The following PLXNA4 variants were observed in gnomAD, a reference collection of about 807,000 sequenced individuals.
The protein encoded by PLXNA4 is plexin-A4.
A neutral mutation model predicts 191.8 loss-of-function variants in PLXNA4; 44 were observed. The ratio of observed to expected loss-of-function variants is 0.23; its 90% CI spans 0.18 to 0.29. The LOEUF is 0.29. Among genes scored for constraint, PLXNA4 ranks in the 10% least tolerant of loss-of-function variants. The probability of loss-of-function intolerance (pLI) is 1.00; values close to 1 mark genes in which losing one functional copy is unlikely to be tolerated. For missense variants in PLXNA4, 1,800 were observed against 2,488.8 expected (o/e 0.72, Z 5.89); for synonymous variants, 1,082 against 1,009.5 (o/e 1.07, Z -1.36).
intron 3 of PLXNA4, among the ~76,000 whole-genome samples, chr7:132,318,419 G>A (rs1433511110): frequency 6.6e-6 from 1 of 152,150 alleles, no homozygotes; most frequent in Non-Finnish European, 1.5e-5. Context: ...ACTTGAGAGC[G>A]CTAAGCTGGG....
At chr7:132,564,759 G>C (rs1801637257) in intron 1 of PLXNA4, among the ~76,000 whole-genome samples, 1 of 152,174 alleles carries the variant, frequency 6.6e-6, no homozygotes, top group Non-Finnish European at 1.5e-5. Flanking sequence ...ATGGCGCTTG[G>C]TGAAATGTAG....
intron 9 of PLXNA4, among the ~76,000 whole-genome samples, chr7:132,218,505 T>C (rs1798040500): frequency 6.6e-6 from 1 of 152,150 alleles, no homozygotes; most frequent in Non-Finnish European, 1.5e-5. Context: ...TCAGTTTAGA[T>C]GAGAAAAAAC....
At chr7:132,638,321 A>T (rs1803649192) in intron 2 of PLXNA4, among the ~76,000 whole-genome samples, 1 of 152,192 alleles carries the variant, frequency 6.6e-6, no homozygotes, top group African/African-American at 2.4e-5. Context: ...GATGGTTGGA[A>T]GACTAAGTGA....
At chr7:132,440,044 C>T (rs565878605) in intron 3 of PLXNA4, among the ~76,000 whole-genome samples, 94 of 151,858 alleles carry the variant, frequency 6.2e-4, no homozygotes, top group Middle Eastern at 3.4e-3. Flanking sequence ...TGGGCTTGTG[C>T]CATGCTGCCA....
intron 5 of PLXNA4, among the ~76,000 whole-genome samples, chr7:132,236,679 G>T (rs956965252): frequency 1.3e-5 from 2 of 152,094 alleles, no homozygotes; most frequent in African/African-American, 4.8e-5. Flanking sequence ...AAGGGAGAAG[G>T]GCAGGTCTGA....
chr7:132,180,384 T>A (rs1268487421), intron 19 of PLXNA4, among the ~76,000 whole-genome samples: 1 of 152,180 alleles, frequency 6.6e-6, no homozygotes, highest in African/African-American at 2.4e-5. Flanking sequence ...TCCTTATTGT[T>A]GCACCAGCCA....
chr7:132,465,396 A>T (rs1185036095), intron 3 of PLXNA4, among the ~76,000 whole-genome samples: 1 of 152,068 alleles, frequency 6.6e-6, no homozygotes, highest in Non-Finnish European at 1.5e-5. Context: ...TTTTATACAA[A>T]GAAAAGGTTC....
intron 2 of PLXNA4, among the ~76,000 whole-genome samples, chr7:132,619,980 T>C (rs1190863483): frequency 6.6e-6 from 1 of 152,136 alleles, no homozygotes. Context: ...CTTTTTGTAT[T>C]TTTAGTAGAG....
chr7:132,451,259 G>A (rs1333689639), intron 3 of PLXNA4, among the ~76,000 whole-genome samples: 1 of 152,152 alleles, frequency 6.6e-6, no homozygotes, highest in Non-Finnish European at 1.5e-5. Flanking sequence ...GAGCGGCTGG[G>A]TTATATTCCA....
At chr7:132,498,706 G>C (rs1347249434) in intron 2 of PLXNA4, among the ~76,000 whole-genome samples, 1 of 152,222 alleles carries the variant, frequency 6.6e-6, no homozygotes, top group Non-Finnish European at 1.5e-5. Context: ...CCAAGGATAA[G>C]TGGGGACTAT....
rs371220479 is a variant in PLXNA4 at position 132,431,890 on chromosome 7, C to T, written c.1371+57402G>A. ...TCTGGAATTTGGAGACACGGTTGCT[C>T]ACACCTGAGACGAGGATAGGACCTC... On this transcript the variant is annotated intron_variant, in intron 3 of 31. Coordinates refer to ENST00000321063, the MANE Select transcript of PLXNA4 (RefSeq NM_020911.2). Among the ~76,000 whole-genome samples the T allele has an allele frequency of 1.1e-4, 17 of 152,304 alleles. No individual in the cohort carries two copies. In the East Asian group the frequency reaches 2.5e-3, roughly 23 times the overall value.
intron 3 of PLXNA4, among the ~76,000 whole-genome samples, chr7:132,414,136 C>T (rs1426096467): frequency 4.6e-5 from 7 of 152,176 alleles, no homozygotes; most frequent in East Asian, 1.9e-4. Flanking sequence ...GGAAAAGCCC[C>T]GGTTGCTGTA....
intron 1 of PLXNA4, among the ~76,000 whole-genome samples, chr7:132,549,941 A>C (rs1800484024): frequency 6.6e-6 from 1 of 152,170 alleles, no homozygotes; most frequent in Non-Finnish European, 1.5e-5. Context: ...AAAATTAGGC[A>C]GAAGAAGACA....
chr7:132,434,019 C>T (rs1795372896), intron 3 of PLXNA4, among the ~76,000 whole-genome samples: 1 of 152,360 alleles, frequency 6.6e-6, no homozygotes, highest in Non-Finnish European at 1.5e-5. Flanking sequence ...CTACTAGGTG[C>T]CATTACTATG....
At chr7:132,521,177 T>TAAAA (rs143452224) in intron 1 of PLXNA4, among the ~76,000 whole-genome samples, 3 of 115,658 alleles carry the variant, frequency 2.6e-5, no homozygotes, top group Non-Finnish European at 5.3e-5. Context: ...ATTTGCTCCT[T>TAAAA]GAAAAAAAAA....
chr7:132,593,509 C>T (rs1388840969), intron 2 of PLXNA4, among the ~76,000 whole-genome samples: 1 of 152,166 alleles, frequency 6.6e-6, no homozygotes, highest in African/African-American at 2.4e-5. Context: ...ATCAGGGACT[C>T]GCAAAAGTGA....
At chr7:132,194,511 A>T (rs1584825377) in intron 13 of PLXNA4, among the ~76,000 whole-genome samples, 1 of 152,192 alleles carries the variant, frequency 6.6e-6, no homozygotes. Flanking sequence ...CTTAGGGAAT[A>T]GGGCTGGCAG....
At chr7:132,261,442 G>T (rs1799641307) in intron 4 of PLXNA4, among the ~76,000 whole-genome samples, 1 of 152,218 alleles carries the variant, frequency 6.6e-6, no homozygotes, top group African/African-American at 2.4e-5. Context: ...ATCCAGATGT[G>T]CCCAGGCCCA....
At chr7:132,642,037 G>A (rs1438650859) in intron 2 of PLXNA4, among the ~76,000 whole-genome samples, 1 of 152,126 alleles carries the variant, frequency 6.6e-6, no homozygotes, top group African/African-American at 2.4e-5. Flanking sequence ...TGTAATTCTT[G>A]TGCAGTTTGA....
Sources: gnomAD v4.1 joint callset for allele counts (sites outside exome capture counted in the v4.1 genomes callset) on GRCh38, gnomAD v4.1.1 for gene constraint, MANE v1.5 for transcripts, NCBI Gene and HGNC (gene_info 2026-07-23, HGNC 2026-07-21) for gene names.